Variants in RNF144B observed in about 807,000 individuals in gnomAD.
RNF144B encodes E3 ubiquitin-protein ligase RNF144B.
RNF144B carries 25 observed loss-of-function variants against 40.2 expected under a neutral mutation model. The ratio of observed to expected loss-of-function variants is 0.62; its 90% CI spans 0.45 to 0.87. The LOEUF is 0.87. Among genes scored for constraint, RNF144B ranks in the 40% least tolerant of loss-of-function variants. The pLI is 0.00. For synonymous variants in RNF144B, 145 were observed against 136.3 expected, an observed-to-expected ratio of 1.06 and a Z score of -0.44; for missense variants, 365 against 373.7, an observed-to-expected ratio of 0.98 and a Z score of 0.19.
intron 2 of RNF144B, among the ~76,000 whole-genome samples, chr6:18,408,026 C>T (rs1298804018): frequency 6.8e-6 from 1 of 146,570 alleles, no homozygotes; most frequent in East Asian, 2.0e-4. Context: ...ATTTTGTTGC[C>T]CAGGCTGGAG....
rs149984686 is a variant in RNF144B at position 18,417,757 on chromosome 6, C to A, written c.166-9824C>A. 1.0e-3 allele frequency among the ~76,000 whole-genome samples: 158 copies of A among 152,160 alleles called. 1 individual carries two copies. Among genetic ancestry groups the A allele is most frequent in the African/African-American group, 3.7e-3 (153 of 41,526 alleles). ...ATTGGACTTCATCAAAATTAAAGACCTTTTTGCTTCAATGGACATCATCAA... is the reference window on the plus strand; with the variant it reads ...ATTGGACTTCATCAAAATTAAAGACATTTTTGCTTCAATGGACATCATCAA... On this transcript the variant is annotated intron_variant, in intron 2 of 7. Coordinates refer to ENST00000259939, the MANE Select transcript of RNF144B (RefSeq NM_182757.4).
At chr6:18,445,054 G>T (rs1759049834) in intron 4 of RNF144B, among the ~76,000 whole-genome samples, 1 of 151,886 alleles carries the variant, frequency 6.6e-6, no homozygotes, top group Non-Finnish European at 1.5e-5. Context: ...ACTGTGTGAT[G>T]CTTAAGTACT....
chr6:18,427,510 G>A (rs750867289), intron 2 of RNF144B, 71 bp from the exon 3 acceptor site: 7 of 974,120 alleles, frequency 7.2e-6, no homozygotes, highest in South Asian at 2.9e-5. Flanking sequence ...AGACACAGTG[G>A]TGGTTCTGTT....
chr6:18,406,283 G>T lies in RNF144B; in HGVS notation c.165+6584G>T, dbSNP rs149548403. On this transcript the variant is annotated intron_variant, in intron 2 of 7. Transcript: ENST00000259939. This position sits in a 1 kb window ranked among gnomAD's most constrained non-coding sequence, Gnocchi z 4.2. ...ACTTCTACTTTATTAGATGATCAGG[G>T]AAGTCTCAGTGATAAGGTGTTATTT... is the stretch of plus-strand genomic sequence containing the variant. Among the ~76,000 whole-genome samples the T allele has an allele frequency of 1.3e-5, 2 of 152,248 alleles. No individual in the cohort carries two copies. The highest frequency in any genetic ancestry group is 2.9e-5 in the Non-Finnish European group (2 of 68,020).
Position 18,443,072 on chromosome 6 carries a change from A to G in RNF144B, c.331+3328A>G, listed in dbSNP as rs1025974526. 1.4e-4 allele frequency among the ~76,000 whole-genome samples: 22 copies of G among 152,272 alleles called. No individual in the cohort carries two copies. The highest frequency in any genetic ancestry group is 4.8e-4 in the African/African-American group (20 of 41,550). On this transcript the variant is annotated intron_variant, in intron 4 of 7. Transcript: ENST00000259939. This position sits in a 1 kb window ranked among gnomAD's most constrained non-coding sequence, Gnocchi z 4.7. ...AATTGGGATTACGGGATCATGTGGT[A>G]ATTTTACATTTAGTTTTTGAGGAAC... is the stretch of plus-strand genomic sequence containing the variant.
At chr6:18,396,683 A>G in intron 1 of RNF144B, 1 of 985,382 alleles carries the variant, frequency 1.0e-6, no homozygotes, top group Non-Finnish European at 1.2e-6. Context: ...AGATTGCATA[A>G]GCAGTGAAGC....
intron 1 of RNF144B, among the ~76,000 whole-genome samples, chr6:18,396,125 A>G (rs954233530): frequency 1.3e-5 from 2 of 152,226 alleles, no homozygotes; most frequent in Non-Finnish European, 2.9e-5. Context: ...GCCTATAGGC[A>G]TGTAACTCCT....
chr6:18,436,708 A>G (rs1758831203), intron 3 of RNF144B, among the ~76,000 whole-genome samples: 1 of 152,146 alleles, frequency 6.6e-6, no homozygotes, highest in Non-Finnish European at 1.5e-5. Flanking sequence ...TCAATTTTAC[A>G]GTACTTGTGA....
rs909506121 is a variant in RNF144B at position 18,444,638 on chromosome 6, T to C, written c.331+4894T>C. Reference sequence around the variant, plus strand: ...TACCATATAGCAGTTTAAGAACTCTTACAGAAGGGTTGTGTCATATTGTTC... The same window carrying C: ...TACCATATAGCAGTTTAAGAACTCTCACAGAAGGGTTGTGTCATATTGTTC... On this transcript the variant is annotated intron_variant, in intron 4 of 7. Transcript: ENST00000259939. This position sits in a 1 kb window ranked among gnomAD's most constrained non-coding sequence, Gnocchi z 4.3. Among the ~76,000 whole-genome samples, 1 of 152,182 alleles carries C rather than the reference T, an allele frequency of 6.6e-6. No homozygotes were observed. The highest frequency in any genetic ancestry group is 2.4e-5 in the African/African-American group (1 of 41,450).
At chr6:18,439,662 C>T (rs755276899) in intron 3 of RNF144B, 22 bp from the exon 4 acceptor site, 46 of 1,592,630 alleles carry the variant, frequency 2.9e-5, no homozygotes, top group Non-Finnish European at 3.9e-5. Context: ...GAAGTCTCAA[C>T]CTTTTATGTC....
intron 2 of RNF144B, among the ~76,000 whole-genome samples, chr6:18,411,476 TATATATATATA>T: frequency 2.3e-5 from 1 of 43,872 alleles, no homozygotes; most frequent in Non-Finnish European, 4.2e-5. Flanking sequence ...TATATATATA[TATATATATATA>T]TATATATATA....
At position 18,416,356 on chromosome 6, in the gene RNF144B, T is replaced by C. The variant is rs1044769860; in HGVS notation, c.166-11225T>C. Among the ~76,000 whole-genome samples, 3 of 152,360 alleles carry C rather than the reference T, an allele frequency of 2.0e-5. No individual in the cohort carries two copies. The highest frequency in any genetic ancestry group is 1.9e-4 in the East Asian group (1 of 5,176). The stretch of plus-strand genomic sequence containing the variant: ...TGCCAGTTCACTGCTCTGATTGGAA[T>C]GTTCTTCCATTTTAGCAAATTTGTT... On this transcript the variant is annotated intron_variant, in intron 2 of 7. Coordinates refer to ENST00000259939, the MANE Select transcript of RNF144B (RefSeq NM_182757.4). The surrounding 1 kb of genome is among the most constrained non-coding windows in gnomAD (Gnocchi z 5.5).
chr6:18,436,176 C>A (rs1758820564), intron 3 of RNF144B, among the ~76,000 whole-genome samples: 1 of 152,052 alleles, frequency 6.6e-6, no homozygotes, highest in South Asian at 2.1e-4. Flanking sequence ...TGAATCTAAT[C>A]ATGAGAAAGC....
Position 18,463,315 on chromosome 6 carries a change from G to A in RNF144B, c.706G>A (p.Asp236Asn), listed in dbSNP as rs1476532914. Residue 236 changes from aspartate to asparagine, a missense_variant, in exon 7 of 8, where the codon GAC becomes AAC. Physicochemically the swap from Asp to Asn is conservative, Grantham distance 23. Coordinates refer to ENST00000259939, the MANE Select transcript of RNF144B (RefSeq NM_182757.4). ...LDNDIFLRHY[D>N]KGPCRNKLGH... is the part of the protein sequence containing the mutation. ...GAATGACATTTTCCTCAGACATTAT[G>A]ACAAAGGGCCATGCAGGAATAAACT... 1.2e-6 allele frequency: 2 copies of A among 1,607,826 alleles called. No homozygotes were observed. Among genetic ancestry groups the A allele is most frequent in the Non-Finnish European group, 1.7e-6 (2 of 1,174,446 alleles).
chr6:18,408,138 C>T (rs1794954322), intron 2 of RNF144B, among the ~76,000 whole-genome samples: 1 of 151,920 alleles, frequency 6.6e-6, no homozygotes, highest in African/African-American at 2.4e-5. Context: ...GTGCCTGTCA[C>T]CATGCCCGGC....
rs530943845 is a variant in RNF144B, at chr6:18,394,455, C to T, written c.-36-5044C>T. On this transcript the variant is annotated intron_variant, in intron 1 of 7. Coordinates refer to ENST00000259939, the MANE Select transcript of RNF144B (RefSeq NM_182757.4). ...TCTACTAAAAATACAAAAATTAGCCCGGCGTGGTGGTGGGCACCTGAAATC... is the reference window on the plus strand; with the variant it reads ...TCTACTAAAAATACAAAAATTAGCCTGGCGTGGTGGTGGGCACCTGAAATC... Among the ~76,000 whole-genome samples the T allele has an allele frequency of 2.4e-3, 358 of 151,900 alleles. 4 individuals are homozygous for T. The highest frequency in any genetic ancestry group is 7.7e-3 in the African/African-American group (317 of 41,432).
rs1758783175 is a variant in RNF144B, at chr6:18,434,854, C to G, written c.271-4830C>G. ...GCCAGGATGGTCTCAATCTCCTGAC[C>G]TCGTGATCCACCTGCCTCGGCCTCC... is the stretch of plus-strand genomic sequence containing the variant. On this transcript the variant is annotated intron_variant, in intron 3 of 7. Coordinates refer to ENST00000259939, the MANE Select transcript of RNF144B (RefSeq NM_182757.4). The surrounding 1 kb of genome is among the most constrained non-coding windows in gnomAD (Gnocchi z 4.1). 6.6e-6 allele frequency among the ~76,000 whole-genome samples: 1 copy of G among 152,182 alleles called. No individual in the cohort carries two copies. The highest frequency in any genetic ancestry group is 2.1e-4 in the South Asian group (1 of 4,830).
In RNF144B at chr6:18,443,402, A is replaced by G. The variant is rs1394170121; in HGVS notation, c.331+3658A>G. ...CTCAGCCTCCCGAGTAGATGGGATT[A>G]CAGGTGCCTGCCACCACACTTGGCT... On this transcript the variant is annotated intron_variant, in intron 4 of 7. Transcript: ENST00000259939. The surrounding 1 kb of genome is among the most constrained non-coding windows in gnomAD (Gnocchi z 4.7). Among the ~76,000 whole-genome samples, 2 of 152,100 alleles carry G rather than the reference A, an allele frequency of 1.3e-5. No individual in the cohort carries two copies. The highest frequency in any genetic ancestry group is 1.9e-4 in the East Asian group (1 of 5,194).
Position 18,422,443 on chromosome 6 carries a change from G to A in RNF144B, c.166-5138G>A, listed in dbSNP as rs759779937. ...TCAGTGTTTGCATTGTACCTGGAGT[G>A]ATAAAAAGCAAAACAGGTACTCAAG... On this transcript the variant is annotated intron_variant, in intron 2 of 7. Transcript: ENST00000259939. This position sits in a 1 kb window ranked among gnomAD's most constrained non-coding sequence, Gnocchi z 4.7. 6.6e-6 allele frequency among the ~76,000 whole-genome samples: 1 copy of A among 152,194 alleles called. No individual in the cohort carries two copies. The highest frequency in any genetic ancestry group is 1.5e-5 in the Non-Finnish European group (1 of 68,046).
Sources: allele counts gnomAD v4.1 joint callset (sites outside exome capture counted in the v4.1 genomes callset), GRCh38; gene constraint gnomAD v4.1.1; non-coding constraint Gnocchi (gnomAD v3.1); transcripts MANE v1.5; gene names NCBI Gene and HGNC (gene_info 2026-07-23, HGNC 2026-07-21).